The following RS1 variants were observed in gnomAD, a reference collection of about 807,000 sequenced individuals.
RS1 encodes retinoschisin 1.
RS1 carries 2 observed loss-of-function variants against 20.8 expected under a neutral mutation model. That is an observed-to-expected ratio of 0.10 (90% CI 0.04 to 0.30). The LOEUF (loss-of-function observed/expected upper bound fraction) is 0.30, where lower values mean the gene tolerates loss of function less well. Among genes scored for constraint, RS1 ranks in the 10% least tolerant of loss-of-function variants. The probability of loss-of-function intolerance (pLI) is 1.00; values close to 1 mark genes in which losing one functional copy is unlikely to be tolerated. For synonymous variants in RS1, 70 were observed against 75.8 expected (o/e 0.92, Z 0.40); for missense variants, 151 against 189.8 (o/e 0.80, Z 1.20).
chrX:18,648,598 G>A (rs1927892796), intron 3 of RS1, among the ~76,000 whole-genome samples: 1 of 111,701 alleles, frequency 9.0e-6, no homozygotes, highest in Admixed American at 9.5e-5. Context: ...AATGTAGCCA[G>A]CTGAATAAAG....
intron 1 of RS1, among the ~76,000 whole-genome samples, chrX:18,664,667 G>T (rs945301594): frequency 2.7e-5 from 3 of 111,121 alleles, no homozygotes; most frequent in African/African-American, 9.8e-5. Flanking sequence ...TCCTCAGACT[G>T]TTCTCCTTTC....
At chrX:18,646,480 A>G (rs1927778454) in intron 4 of RS1, among the ~76,000 whole-genome samples, 1 of 112,738 alleles carries the variant, frequency 8.9e-6, no homozygotes, top group African/African-American at 3.2e-5. Context: ...TAAGTGAGCA[A>G]GAAACACACT....
chrX:18,647,210 G>T lies in RS1; in HGVS notation c.307C>A (p.Leu103Ile). 3 of 1,211,071 alleles carry T rather than the reference G, an allele frequency of 2.5e-6. No individual in the cohort carries two copies. Among genetic ancestry groups the T allele is most frequent in the Non-Finnish European group, 3.4e-6 (3 of 895,431 alleles). Residue 103 changes from leucine to isoleucine, a missense_variant, in exon 4 of 6, where the codon CTC becomes ATC. By Grantham distance (5) the Leu-to-Ile change is conservative. Coordinates refer to ENST00000379984, the MANE Select transcript of RS1 (RefSeq NM_000330.4). Reference protein sequence around the residue: ...YSSWTANKARLNSQGFGCAWL... With the variant: ...YSSWTANKARINSQGFGCAWL... The stretch of plus-strand genomic sequence containing the variant: ...GCTTACCCAAAGCCTTGACTGTTGA[G>T]CCGGGCCTTGTTTGCAGTCCACGAA...
intron 1 of RS1, among the ~76,000 whole-genome samples, chrX:18,663,662 A>G (rs967598796): frequency 9.0e-6 from 1 of 110,888 alleles, no homozygotes; most frequent in African/African-American, 3.3e-5. Flanking sequence ...TTATTTTCAA[A>G]TCCAATGGAC....
rs764540699 is a variant in RS1, at chrX:18,653,483, C to T, written c.184+3170G>A. The T allele has an allele frequency of 4.1e-6, 5 of 1,211,573 alleles. No homozygotes were observed. Among genetic ancestry groups the T allele is most frequent in the South Asian group, 1.8e-5 (1 of 56,976 alleles). ...ATGAGGGAAGCCCTGATTCACAGGG[C>T]CCAGGTAAACCAAGCTGCGCTCCTG... On this transcript the variant is annotated intron_variant, in intron 3 of 5. Coordinates refer to ENST00000379984, the MANE Select transcript of RS1 (RefSeq NM_000330.4).
chrX:18,642,131 G>A lies in RS1; in HGVS notation c.548C>T (p.Thr183Ile), dbSNP rs150172233. The change falls in exon 6 of 6, where the codon ACC becomes ATC. Residue 183 changes from threonine to isoleucine, a missense_variant. Physicochemically the swap from Thr to Ile is moderately conservative, Grantham distance 89. Transcript: ENST00000379984. ...NRVFYGNSDR[T>I]STVQNLLRPP... ...CCGCAGCAGGTTCTGAACCGTGGAG[G>A]TGCGGTCCGAGTTGCCATAGAAGAC... The A allele has an allele frequency of 1.3e-3, 1,532 of 1,210,174 alleles. 7 individuals carry two copies. Among genetic ancestry groups the A allele is most frequent in the Non-Finnish European group, 8.8e-4 (789 of 895,086 alleles).
intron 4 of RS1, among the ~76,000 whole-genome samples, chrX:18,646,496 A>G (rs1927778728): frequency 8.9e-6 from 1 of 112,634 alleles, no homozygotes; most frequent in Non-Finnish European, 1.9e-5. Context: ...ACACTTCTAC[A>G]TTAAGTCACT....
In RS1 at chrX:18,656,882, T is replaced by C. The variant is rs766958993; in HGVS notation, c.79-124A>G. The stretch of plus-strand genomic sequence containing the variant: ...TAGCAGCTTTGCTACAATGGCCAAA[T>C]TGAGCTATTAATCCAGCCTCAATAC... On this transcript the variant is annotated intron_variant, in intron 2 of 5. Transcript: ENST00000379984. 323 of 552,710 alleles carry C rather than the reference T, an allele frequency of 5.8e-4. 3 individuals carry two copies. In the South Asian group the frequency reaches 7.4e-3, roughly 13 times the overall value. The allele number at this position is 552,710 out of a possible 1,213,427, so 45.5% of individuals were successfully genotyped here. A position where few individuals can be genotyped will look rare whatever the true frequency, so the allele number is the denominator to read the frequency against.
At chrX:18,666,797 G>C (rs1928412118) in intron 1 of RS1, among the ~76,000 whole-genome samples, 2 of 110,853 alleles carry the variant, frequency 1.8e-5, no homozygotes, top group South Asian at 7.7e-4. Context: ...CGTGGCAGGG[G>C]TGGGGGTGTG....
chrX:18,647,154 A>T (rs781010833), intron 4 of RS1, 37 bp downstream of exon 4: 38 of 1,195,134 alleles, frequency 3.2e-5, no homozygotes, highest in African/African-American at 1.2e-4. Context: ...ATTTTTTTTT[A>T]AAAGCACATG....
At chrX:18,669,772 TG>T (rs1312168315) in intron 1 of RS1, among the ~76,000 whole-genome samples, 5 of 112,258 alleles carry the variant, frequency 4.5e-5, no homozygotes, top group African/African-American at 1.6e-4. Context: ...TTGTGTCCTC[TG>T]TCCCCTGGAG....
At chrX:18,671,016 G>A (rs1856028418) in intron 1 of RS1, among the ~76,000 whole-genome samples, 2 of 111,690 alleles carry the variant, frequency 1.8e-5, no homozygotes, top group South Asian at 3.7e-4. Flanking sequence ...TAAATTAGCC[G>A]GATGTGGTGG....
rs1357351929 is a variant in RS1, at chrX:18,658,327, G to A, written c.53-662C>T. Reference sequence around the variant, plus strand: ...TAACATTTTAGTATAAATATTTCCCGTCATTTCCTGTCATTTTTCTATGTG... The same window carrying A: ...TAACATTTTAGTATAAATATTTCCCATCATTTCCTGTCATTTTTCTATGTG... On this transcript the variant is annotated intron_variant, in intron 1 of 5. Coordinates refer to ENST00000379984, the MANE Select transcript of RS1 (RefSeq NM_000330.4). 8.1e-5 allele frequency among the ~76,000 whole-genome samples: 9 copies of A among 111,618 alleles called. 1 individual carries two copies. Among genetic ancestry groups the A allele is most frequent in the Admixed American group, 3.8e-4 (4 of 10,436 alleles).
At chrX:18,658,291 G>A (rs1928254774) in intron 1 of RS1, among the ~76,000 whole-genome samples, 1 of 111,879 alleles carries the variant, frequency 8.9e-6, no homozygotes, top group South Asian at 3.7e-4. Flanking sequence ...TACCACCAAA[G>A]CCAACACTGT....
chrX:18,660,073 C>A (rs1377354116), intron 1 of RS1, among the ~76,000 whole-genome samples: 1 of 111,652 alleles, frequency 9.0e-6, no homozygotes, highest in Non-Finnish European at 1.9e-5. Context: ...CACAGGTCTT[C>A]CTGTTTCGTT....
At chrX:18,650,770 C>T (rs1466212310) in intron 3 of RS1, among the ~76,000 whole-genome samples, 1 of 112,542 alleles carries the variant, frequency 8.9e-6, no homozygotes, top group East Asian at 2.8e-4. Flanking sequence ...AGCAGGCCTG[C>T]GTCCAGCCAA....
intron 1 of RS1, among the ~76,000 whole-genome samples, chrX:18,661,726 C>T (rs1325156514): frequency 8.9e-6 from 1 of 111,926 alleles, no homozygotes; most frequent in African/African-American, 3.2e-5. Context: ...CACCTCGTTC[C>T]GCCGGTTGAT....
chrX:18,639,948 A>G lies in RS1; in HGVS notation c.*2056T>C, dbSNP rs1927505574. The G allele has an allele frequency of 1.8e-5, 2 of 112,084 alleles. No homozygotes were observed. The highest frequency in any genetic ancestry group is 7.4e-4 in the South Asian group (2 of 2,685). The allele number at this position is 112,084 out of a possible 1,213,427, so 9.2% of individuals were successfully genotyped here. Reference sequence around the variant, plus strand: ...ATGATTTCATTTATGTAGAACGTCCAGAAGGCCAATCTACAGAGACAGTCG... The same window carrying G: ...ATGATTTCATTTATGTAGAACGTCCGGAAGGCCAATCTACAGAGACAGTCG... On this transcript the variant is annotated 3_prime_UTR_variant, in exon 6 of 6. Coordinates refer to ENST00000379984, the MANE Select transcript of RS1 (RefSeq NM_000330.4).
chrX:18,653,630 C>T (rs1002487286), intron 3 of RS1: 7 of 1,096,580 alleles, frequency 6.4e-6, no homozygotes, highest in East Asian at 3.2e-5. Flanking sequence ...CAACCATTAA[C>T]GCTGAGGTTG....
Sources: allele counts gnomAD v4.1 joint callset (sites outside exome capture counted in the v4.1 genomes callset), GRCh38; gene constraint gnomAD v4.1.1; transcripts MANE v1.5; gene names NCBI Gene and HGNC (gene_info 2026-07-23, HGNC 2026-07-21).